Variants in RNLS observed in about 807,000 individuals in gnomAD.
RNLS encodes the protein renalase.
Under a neutral mutation model 39.8 loss-of-function variants are expected in RNLS, and 39 were observed. The observed-to-expected ratio is 0.98, with a 90% CI of 0.76 to 1.28. The LOEUF is 1.28. Among genes scored for constraint, RNLS ranks in the 50% most tolerant of loss-of-function variants. The pLI is 0.00. For missense variants in RNLS, 410 were observed against 413.3 expected (o/e 0.99, Z 0.07); for synonymous variants, 147 against 150.7 (o/e 0.98, Z 0.18).
At chr10:88,239,289 G>A in the RNLS span, among the ~76,000 whole-genome samples, 1 of 152,150 alleles carries the variant, frequency 6.6e-6, no homozygotes, top group Non-Finnish European at 1.5e-5. Context: ...CCTTTCCAAA[G>A]TTCCTTTGTC....
chr10:88,370,232 G>A (rs1345879493), intron 4 of RNLS, among the ~76,000 whole-genome samples: 1 of 152,036 alleles, frequency 6.6e-6, no homozygotes, highest in Non-Finnish European at 1.5e-5. Context: ...AGTAAATAAG[G>A]TACTGCTTTC....
intron 3 of RNLS, among the ~76,000 whole-genome samples, chr10:88,580,415 C>T (rs947270262): frequency 6.6e-6 from 1 of 152,018 alleles, no homozygotes; most frequent in Non-Finnish European, 1.5e-5. Flanking sequence ...TTGGGGTTCT[C>T]AATAAGTAAT....
the RNLS span, among the ~76,000 whole-genome samples, chr10:88,224,313 A>G: frequency 2.4e-4 from 36 of 152,216 alleles, no homozygotes; most frequent in African/African-American, 6.5e-4. Flanking sequence ...CATCTTAACC[A>G]CCTCCTAAAG....
intron 4 of RNLS, among the ~76,000 whole-genome samples, chr10:88,457,508 C>A (rs185219997): frequency 5.8e-4 from 89 of 152,326 alleles, no homozygotes; most frequent in African/African-American, 2.1e-3. Flanking sequence ...TGTAGTCCTA[C>A]ATTCATGGTA....
intron 4 of RNLS, among the ~76,000 whole-genome samples, chr10:88,457,355 C>T (rs990518883): frequency 2.0e-5 from 3 of 152,192 alleles, no homozygotes; most frequent in Non-Finnish European, 4.4e-5. Context: ...ACAGTAAATG[C>T]TAGTTCATTA....
chr10:88,390,678 T>G (rs768732709), intron 4 of RNLS, among the ~76,000 whole-genome samples: 30 of 152,148 alleles, frequency 2.0e-4, no homozygotes, highest in Non-Finnish European at 2.5e-4. Flanking sequence ...CTCAGAGGAA[T>G]GGTACTGCCT....
At chr10:88,468,281 A>T (rs1272037476) in intron 4 of RNLS, among the ~76,000 whole-genome samples, 4 of 152,204 alleles carry the variant, frequency 2.6e-5, no homozygotes, top group African/African-American at 9.6e-5. Flanking sequence ...GACTAGCATA[A>T]CATGATCATT....
chr10:88,517,048 T>C (rs1020865265), intron 4 of RNLS, among the ~76,000 whole-genome samples: 1 of 152,002 alleles, frequency 6.6e-6, no homozygotes, highest in South Asian at 2.1e-4. Flanking sequence ...ATAGCTATGA[T>C]CTGGAGGTGA....
chr10:88,470,002 T>C (rs1382482304), intron 4 of RNLS, among the ~76,000 whole-genome samples: 1 of 151,954 alleles, frequency 6.6e-6, no homozygotes, highest in Non-Finnish European at 1.5e-5. Flanking sequence ...TCTGTTTCTA[T>C]AAGTGAAACA....
chr10:88,333,541 C>T (rs11594050), intron 5 of RNLS, among the ~76,000 whole-genome samples: 39,360 of 152,096 alleles, frequency 0.26, 5,318 homozygotes, highest in South Asian at 0.3. Flanking sequence ...ATATCTTGGA[C>T]AGATTTCTAG....
At chr10:88,542,725 A>G (rs1373570210) in intron 4 of RNLS, among the ~76,000 whole-genome samples, 2 of 152,182 alleles carry the variant, frequency 1.3e-5, no homozygotes, top group Non-Finnish European at 2.9e-5. Flanking sequence ...GGGCTGAAGC[A>G]CCGATAATAG....
chr10:88,239,711 A>G, the RNLS span, among the ~76,000 whole-genome samples: 4 of 152,194 alleles, frequency 2.6e-5, no homozygotes, highest in Non-Finnish European at 5.9e-5. Flanking sequence ...AACTTTCTCA[A>G]TATCTTGCAC....
chr10:88,173,149 C>T, the RNLS span, among the ~76,000 whole-genome samples: 40 of 152,120 alleles, frequency 2.6e-4, no homozygotes, highest in Non-Finnish European at 5.0e-4. Flanking sequence ...TAAGCCACCG[C>T]GCCCGGCCGA....
At chr10:88,558,043 C>T (rs942267916) in intron 4 of RNLS, among the ~76,000 whole-genome samples, 1 of 152,142 alleles carries the variant, frequency 6.6e-6, no homozygotes, top group African/African-American at 2.4e-5. Context: ...GTTAGGGTAG[C>T]AACCTGGTGG....
In RNLS at chr10:88,572,918, C is replaced by A. The variant is rs1849929189; in HGVS notation, c.511G>T (p.Gly171Cys). The A allele has an allele frequency of 9.3e-6, 15 of 1,613,602 alleles. No homozygotes were observed. Among genetic ancestry groups the A allele is most frequent in the Non-Finnish European group, 1.3e-5 (15 of 1,179,792 alleles). Residue 171 changes from glycine to cysteine, a missense_variant, in exon 4 of 7, where the codon GGT becomes TGT. Transcript: ENST00000331772. ...GCAGACTCACAGGTGGTGATGTCAC[C>A]TTGAAGCTGCAGAATCTCAGGAACT... is the stretch of plus-strand genomic sequence containing the variant. ...MPVPEILQLQGDITTLISECQ... is the reference protein window; with the variant it reads ...MPVPEILQLQCDITTLISECQ...
At chr10:88,507,259 ACACACACACG>A (rs1845843415) in intron 4 of RNLS, among the ~76,000 whole-genome samples, 1 of 152,112 alleles carries the variant, frequency 6.6e-6, no homozygotes, top group African/African-American at 2.4e-5. Flanking sequence ...TGTCCCAAAG[ACACACACACG>A]CACACACACA....
chr10:88,560,132 G>T (rs149984323), intron 4 of RNLS, among the ~76,000 whole-genome samples: 1 of 152,038 alleles, frequency 6.6e-6, no homozygotes, highest in Non-Finnish European at 1.5e-5. Flanking sequence ...GTGGTTTTGA[G>T]CTGAGGTTGA....
intron 4 of RNLS, among the ~76,000 whole-genome samples, chr10:88,482,759 T>C (rs1844268707): frequency 6.6e-6 from 1 of 152,176 alleles, no homozygotes; most frequent in African/African-American, 2.4e-5. Context: ...TTAGGTAATA[T>C]ATTGTAGAAA....
At chr10:88,470,692 T>C (rs1023937148) in intron 4 of RNLS, among the ~76,000 whole-genome samples, 1 of 150,974 alleles carries the variant, frequency 6.6e-6, no homozygotes. Context: ...CTTGGCTCAC[T>C]GCAACCTCCA....
Sources: gnomAD v4.1 joint callset for allele counts (sites outside exome capture counted in the v4.1 genomes callset) on GRCh38, gnomAD v4.1.1 for gene constraint, MANE v1.5 for transcripts, NCBI Gene and HGNC (gene_info 2026-07-23, HGNC 2026-07-21) for gene names.